SHANK2: variants seen among roughly 807,000 people sequenced by gnomAD.
SHANK2 encodes SH3 and multiple ankyrin repeat domains protein 2.
SHANK2 carries 43 observed loss-of-function variants against 133.7 expected under a neutral mutation model. That is an observed-to-expected ratio of 0.32 (90% CI 0.25 to 0.41). The LOEUF (loss-of-function observed/expected upper bound fraction) is 0.41. Among genes scored for constraint, SHANK2 ranks in the 10% least tolerant of loss-of-function variants. The pLI, the probability that SHANK2 is intolerant of heterozygous loss-of-function variation, is 1.00. For missense variants in SHANK2, 1,994 were observed against 2,235.8 expected (o/e 0.89, Z 2.18); for synonymous variants, 1,017 against 952.8 (o/e 1.07, Z -1.24).
chr11:71,169,645 G>C (rs1170385979), intron 2 of SHANK2, among the ~76,000 whole-genome samples: 2 of 151,812 alleles, frequency 1.3e-5, no homozygotes, highest in African/African-American at 4.8e-5. Flanking sequence ...CAGCTACTCG[G>C]GAGGCTAAGG....
At chr11:70,922,177 T>C (rs1215096979) in intron 10 of SHANK2, among the ~76,000 whole-genome samples, 2 of 152,086 alleles carry the variant, frequency 1.3e-5, no homozygotes, top group African/African-American at 2.4e-5. Flanking sequence ...GGATTACATG[T>C]AGGAGATGGA....
At chr11:70,950,128 A>C (rs1950811302) in intron 10 of SHANK2, 2 of 456,196 alleles carry the variant, frequency 4.4e-6, no homozygotes, top group Non-Finnish European at 8.8e-6. Context: ...CGCTGACCTC[A>C]GCTCACTGCA....
At chr11:70,875,473 G>C (rs1387915359) in intron 11 of SHANK2, among the ~76,000 whole-genome samples, 1 of 151,962 alleles carries the variant, frequency 6.6e-6, no homozygotes, top group African/African-American at 2.4e-5. Flanking sequence ...GCAGTGAGCC[G>C]AGATTGCGCC....
intron 14 of SHANK2, among the ~76,000 whole-genome samples, chr11:70,768,047 C>T (rs782634102): frequency 1.2e-4 from 18 of 150,978 alleles, no homozygotes; most frequent in Non-Finnish European, 1.8e-4. Context: ...TCCAAGCTGG[C>T]CACTTTCTAG....
intron 15 of SHANK2, among the ~76,000 whole-genome samples, chr11:70,671,856 G>C (rs1944815209): frequency 6.6e-6 from 1 of 152,146 alleles, no homozygotes; most frequent in Non-Finnish European, 1.5e-5. Context: ...GAACACCCAA[G>C]TGCTGGCCCA....
At chr11:70,680,581 T>G (rs1555018176) in intron 15 of SHANK2, among the ~76,000 whole-genome samples, 1 of 152,042 alleles carries the variant, frequency 6.6e-6, no homozygotes, top group Non-Finnish European at 1.5e-5. Flanking sequence ...GCCAGGACCA[T>G]CTCCTAATCC....
At chr11:70,661,768 A>G (rs1555013465) in intron 15 of SHANK2, 90 bp from the exon 16 acceptor site, 25 of 1,614,030 alleles carry the variant, frequency 1.5e-5, no homozygotes, top group Non-Finnish European at 2.1e-5. Flanking sequence ...TCATCATCAT[A>G]GCCAATTAAT....
chr11:70,647,229 A>G (rs1386133977), intron 17 of SHANK2: 1 of 152,194 alleles, frequency 6.6e-6, no homozygotes, highest in Non-Finnish European at 1.5e-5. Context: ...TATCATCTGT[A>G]TGTAGAAGTA....
At chr11:70,518,246 C>T (rs2059289358) in intron 17 of SHANK2, among the ~76,000 whole-genome samples, 1 of 152,170 alleles carries the variant, frequency 6.6e-6, no homozygotes, top group South Asian at 2.1e-4. Context: ...GACAGAGACT[C>T]TTATTAAGAA....
chr11:71,191,909 G>A (rs1383444787), intron 2 of SHANK2, among the ~76,000 whole-genome samples: 5 of 151,990 alleles, frequency 3.3e-5, no homozygotes, highest in African/African-American at 1.2e-4. Context: ...CGCCCAGGCT[G>A]GAGTGCAGTG....
intron 2 of SHANK2, among the ~76,000 whole-genome samples, chr11:71,153,179 C>G (rs542457504): frequency 1.3e-5 from 2 of 151,986 alleles, no homozygotes; most frequent in East Asian, 3.9e-4. Flanking sequence ...AAGCCGAAGA[C>G]GCAATCTGAA....
intron 14 of SHANK2, among the ~76,000 whole-genome samples, chr11:70,779,200 A>G (rs1190962803): frequency 1.3e-5 from 2 of 151,902 alleles, no homozygotes; most frequent in Non-Finnish European, 2.9e-5. Flanking sequence ...GGCTGCTACG[A>G]AACAGCAGCA....
In SHANK2 at chr11:71,113,371, C is replaced by G. The variant is rs1352267095; in HGVS notation, c.412-7G>C. ...CCCGCTTCTTGTATCGAAACTGGCA[C>G]AGAAAACAAAAAAGAGAGAGAAAAC... On this transcript the variant is annotated splice_region_variant and splice_polypyrimidine_tract_variant and intron_variant, in intron 4 of 25. Transcript: ENST00000601538. 1 of 1,551,046 alleles carries G rather than the reference C, an allele frequency of 6.4e-7. No individual in the cohort carries two copies.
chr11:70,755,847 C>G (rs1452490952), intron 14 of SHANK2, among the ~76,000 whole-genome samples: 1 of 152,238 alleles, frequency 6.6e-6, no homozygotes, highest in Non-Finnish European at 1.5e-5. Context: ...CATCGTAGGG[C>G]CACTTTTGCA....
At chr11:71,119,425 C>G (rs1565462100) in intron 3 of SHANK2, among the ~76,000 whole-genome samples, 1 of 152,018 alleles carries the variant, frequency 6.6e-6, no homozygotes, top group Admixed American at 6.6e-5. Context: ...GCTAAAAATA[C>G]AAAAATTTGC....
intron 17 of SHANK2, among the ~76,000 whole-genome samples, chr11:70,630,453 G>C (rs994009962): frequency 7.9e-5 from 12 of 152,214 alleles, no homozygotes; most frequent in African/African-American, 2.9e-4. Context: ...TTCAAGCAAA[G>C]AGACGGTAGT....
chr11:70,946,256 T>TCCCAGGCTCAACC (rs1950731075), intron 10 of SHANK2, among the ~76,000 whole-genome samples: 1 of 133,788 alleles, frequency 7.5e-6, no homozygotes, highest in Non-Finnish European at 1.6e-5. Flanking sequence ...AACCAACCCT[T>TCCCAGGCTCAACC]TCCAGGCTCA....
At chr11:71,196,652 T>C (rs934978924) in intron 2 of SHANK2, among the ~76,000 whole-genome samples, 4 of 151,748 alleles carry the variant, frequency 2.6e-5, no homozygotes, top group African/African-American at 9.7e-5. Context: ...AAAGGCTCTC[T>C]GGCACAACAA....
At chr11:70,499,287 C>T (rs1309156740) in intron 21 of SHANK2, among the ~76,000 whole-genome samples, 1 of 152,260 alleles carries the variant, frequency 6.6e-6, no homozygotes, top group African/African-American at 2.4e-5. Context: ...TTCCTGCCCA[C>T]ACCCTTGCCC....
Sources: allele counts gnomAD v4.1 joint callset (sites outside exome capture counted in the v4.1 genomes callset), GRCh38; gene constraint gnomAD v4.1.1; transcripts MANE v1.5; gene names NCBI Gene and HGNC (gene_info 2026-07-23, HGNC 2026-07-21).